Variants in TMPRSS15 observed in about 807,000 individuals in gnomAD.
TMPRSS15 encodes transmembrane serine protease 15, also known as enteropeptidase.
In TMPRSS15, 128 loss-of-function variants were observed where a neutral mutation model predicts 125.3. The observed-to-expected ratio is 1.02, with a 90% CI of 0.89 to 1.18. TMPRSS15 has a LOEUF of 1.18. Among genes scored for constraint, TMPRSS15 ranks in the 50% most tolerant of loss-of-function variants. The probability of loss-of-function intolerance (pLI) is 0.00; values close to 1 mark genes in which losing one functional copy is unlikely to be tolerated. For missense variants in TMPRSS15, 1,283 were observed against 1,212.7 expected, an observed-to-expected ratio of 1.06 and a Z score of -0.86; for synonymous variants, 446 against 423.2, an observed-to-expected ratio of 1.05 and a Z score of -0.66.
chr21:18,479,830 C>A (rs1978947850), intron 1 of TMPRSS15, among the ~76,000 whole-genome samples: 9 of 151,992 alleles, frequency 5.9e-5, no homozygotes, highest in Admixed American at 5.3e-4. Context: ...GACAGTGTGG[C>A]AATTCCTCAA....
chr21:18,358,946 T>A (rs191129444), intron 8 of TMPRSS15, among the ~76,000 whole-genome samples: 49 of 152,218 alleles, frequency 3.2e-4, no homozygotes, highest in African/African-American at 1.1e-3. Context: ...AATAAAGTTA[T>A]TATATAAAAT....
intron 24 of TMPRSS15, among the ~76,000 whole-genome samples, chr21:18,271,741 C>G (rs1005973088): frequency 6.6e-6 from 1 of 152,044 alleles, no homozygotes; most frequent in Non-Finnish European, 1.5e-5. Flanking sequence ...CTCCTAGTCC[C>G]CAACAGGCCC....
chr21:18,281,025 ATT>A lies in TMPRSS15; in HGVS notation c.2668+13_2668+14del, dbSNP rs3215891. On this transcript the variant is annotated intron_variant, in intron 22 of 24. Coordinates refer to ENST00000284885, the MANE Select transcript of TMPRSS15 (RefSeq NM_002772.3). Reference sequence around the variant, plus strand: ...TTGGCAGATAAGATGACTAAGAGTGATTTTTTTTTTTTACCTGTGTAATTCAC... The same window carrying A: ...TTGGCAGATAAGATGACTAAGAGTGATTTTTTTTTTACCTGTGTAATTCAC... 4.3e-4 allele frequency: 573 copies of A among 1,341,780 alleles called. No individual in the cohort carries two copies. Among genetic ancestry groups the A allele is most frequent in the African/African-American group, 2.8e-3 (196 of 69,418 alleles). 83.1% of individuals were successfully genotyped at this position (1,341,780 alleles called of 1,614,324 possible). A position where few individuals can be genotyped will look rare whatever the true frequency, so the allele number is the denominator to read the frequency against.
intron 3 of TMPRSS15, among the ~76,000 whole-genome samples, chr21:18,396,773 CAAA>C (rs766409350): frequency 4.2e-5 from 2 of 47,784 alleles, no homozygotes; most frequent in Admixed American, 2.9e-4. Context: ...GACTCTGTCT[CAAA>C]AAAAAAAAAA....
chr21:18,407,888 G>A (rs2076156548), upstream of TMPRSS15, among the ~76,000 whole-genome samples: 1 of 152,094 alleles, frequency 6.6e-6, no homozygotes, highest in Non-Finnish European at 1.5e-5. Context: ...GCTCTAGATA[G>A]GGAAGATCAC....
chr21:18,315,346 T>G, intron 16 of TMPRSS15, 90 bp from the exon 17 acceptor site: 1 of 1,084,802 alleles, frequency 9.2e-7, no homozygotes, highest in Non-Finnish European at 1.4e-6. Flanking sequence ...CCTTTAAACA[T>G]GAGTCCTTTG....
chr21:18,410,712 A>T (rs2123168312), intron 1 of TMPRSS15, among the ~76,000 whole-genome samples: 1 of 151,818 alleles, frequency 6.6e-6, no homozygotes, highest in Admixed American at 6.6e-5. Context: ...AGTTTTTGTG[A>T]TTTTTTGACT....
At chr21:18,295,520 A>C (rs979897396) in intron 19 of TMPRSS15, among the ~76,000 whole-genome samples, 1 of 152,226 alleles carries the variant, frequency 6.6e-6, no homozygotes, top group African/African-American at 2.4e-5. Flanking sequence ...CTAATTGTGC[A>C]TGCTGTTTAG....
At chr21:18,452,274 G>T (rs914354357) in intron 1 of TMPRSS15, among the ~76,000 whole-genome samples, 1 of 151,906 alleles carries the variant, frequency 6.6e-6, no homozygotes, top group African/African-American at 2.4e-5. Context: ...GCACCACAAA[G>T]GTTTAAGGAA....
chr21:18,411,075 TTAA>T (rs2076164903), intron 1 of TMPRSS15, among the ~76,000 whole-genome samples: 1 of 152,166 alleles, frequency 6.6e-6, no homozygotes, highest in African/African-American at 2.4e-5. Flanking sequence ...ATGCTTTAAA[TTAA>T]TAATAATCTC....
intron 15 of TMPRSS15, among the ~76,000 whole-genome samples, chr21:18,327,182 A>G (rs1031158203): frequency 1.3e-5 from 2 of 152,200 alleles, no homozygotes; most frequent in African/African-American, 4.8e-5. Flanking sequence ...TTCAGTTTCA[A>G]AAGACCTTCC....
intron 18 of TMPRSS15, among the ~76,000 whole-genome samples, chr21:18,304,470 C>G (rs1372027088): frequency 6.6e-6 from 1 of 152,140 alleles, no homozygotes; most frequent in African/African-American, 2.4e-5. Flanking sequence ...GGTCCTTCAC[C>G]TCTTTGGAAT....
chr21:18,352,816 C>A, intron 10 of TMPRSS15, 87 bp downstream of exon 10: 2 of 1,344,788 alleles, frequency 1.5e-6, no homozygotes, highest in Non-Finnish European at 1.1e-6. Context: ...TAATACTGCT[C>A]ACTTTACACT....
intron 13 of TMPRSS15, among the ~76,000 whole-genome samples, chr21:18,333,187 AC>A (rs2075361315): frequency 6.6e-6 from 1 of 151,992 alleles, no homozygotes; most frequent in Admixed American, 6.6e-5. Context: ...TGTACAACCA[AC>A]CTCCATGACA....
intron 1 of TMPRSS15, among the ~76,000 whole-genome samples, chr21:18,451,272 T>G (rs1231436193): frequency 4.6e-5 from 7 of 152,164 alleles, no homozygotes; most frequent in Non-Finnish European, 8.8e-5. Context: ...TATCTGTTGT[T>G]ATGGAATTAT....
rs1220771786 is a variant in TMPRSS15 at position 18,269,138 on chromosome 21, CAT to C, written c.*829_*830del. 1 of 152,194 alleles carries C rather than the reference CAT, an allele frequency of 6.6e-6. No homozygotes were observed. Among genetic ancestry groups the C allele is most frequent in the East Asian group, 1.9e-4 (1 of 5,190 alleles). 9.4% of individuals were successfully genotyped at this position (152,194 alleles called of 1,614,324 possible). ...AAGTGAAGCAAATTCATTTATTACA[CAT>C]ATTTGACCTTCTCATGGGTGATTCA... On this transcript the variant is annotated 3_prime_UTR_variant, in exon 25 of 25. Coordinates refer to ENST00000284885, the MANE Select transcript of TMPRSS15 (RefSeq NM_002772.3).
intron 1 of TMPRSS15, among the ~76,000 whole-genome samples, chr21:18,418,758 A>G (rs2076185703): frequency 6.6e-6 from 1 of 152,246 alleles, no homozygotes; most frequent in Non-Finnish European, 1.5e-5. Flanking sequence ...AATCTCTGCT[A>G]GAAAACATTG....
chr21:18,414,434 C>T (rs575413763), intron 1 of TMPRSS15, among the ~76,000 whole-genome samples: 24 of 152,264 alleles, frequency 1.6e-4, no homozygotes, highest in African/African-American at 5.3e-4. Context: ...TAACTCTAGG[C>T]ACTATGTTAT....
chr21:18,317,468 G>A (rs569662719), intron 16 of TMPRSS15, among the ~76,000 whole-genome samples: 227 of 152,040 alleles, frequency 1.5e-3, no homozygotes, highest in Non-Finnish European at 2.7e-3. Flanking sequence ...GGAGGGTGGT[G>A]CTATCCAGCA....
Sources: gnomAD v4.1 joint callset for allele counts (sites outside exome capture counted in the v4.1 genomes callset) on GRCh38, gnomAD v4.1.1 for gene constraint, MANE v1.5 for transcripts, NCBI Gene and HGNC (gene_info 2026-07-23, HGNC 2026-07-21) for gene names.